Variants in ZZEF1 observed in about 807,000 individuals in gnomAD.
ZZEF1 encodes zinc finger ZZ-type and EF-hand domain containing 1, also known as zinc finger ZZ-type and EF-hand domain-containing protein 1.
A neutral mutation model predicts 342.8 loss-of-function variants in ZZEF1; 157 were observed. The ratio of observed to expected loss-of-function variants is 0.46; its 90% confidence interval spans 0.40 to 0.52. ZZEF1 has a LOEUF of 0.52. Among genes scored for constraint, ZZEF1 ranks in the 20% least tolerant of loss-of-function variants. The pLI, the probability that ZZEF1 is intolerant of heterozygous loss-of-function variation, is 0.00. For synonymous variants in ZZEF1, 1,505 were observed against 1,429.1 expected, an observed-to-expected ratio of 1.05 and a Z score of -1.20; for missense variants, 3,480 against 3,725.6, an observed-to-expected ratio of 0.93 and a Z score of 1.72.
At chr17:4,105,896 A>C (rs2058204508) in intron 6 of ZZEF1, 87 bp from the exon 7 acceptor site, 2 of 1,037,532 alleles carry the variant, frequency 1.9e-6, no homozygotes, top group Non-Finnish European at 2.9e-6. Flanking sequence ...TGTTTTGACT[A>C]ATCCCTTATA....
chr17:4,016,307 C>T lies in ZZEF1; in HGVS notation c.8145+16G>A. ...GGCTCAGTCGCTCTTATGGGGCCTG[C>T]CGGCCCCAGGCTTACCTCGAAGTTG... On this transcript the variant is annotated intron_variant, in intron 49 of 54. Transcript: ENST00000381638. The surrounding 1 kb of genome is among the most constrained non-coding windows in gnomAD (Gnocchi z 4.4). 1 of 1,606,072 alleles carries T rather than the reference C, an allele frequency of 6.2e-7. No homozygotes were observed. Among genetic ancestry groups the T allele is most frequent in the South Asian group, 1.1e-5 (1 of 89,844 alleles).
rs2056109477 is a variant in ZZEF1, at chr17:4,016,647, G to C, written c.8002-181C>G. The C allele has an allele frequency of 1.6e-6, 1 of 628,118 alleles. No individual in the cohort carries two copies. The highest frequency in any genetic ancestry group is 2.7e-6 in the Non-Finnish European group (1 of 368,076). 38.9% of individuals were successfully genotyped at this position (628,118 alleles called of 1,614,324 possible). A position where few individuals can be genotyped will look rare whatever the true frequency, so the allele number is the denominator to read the frequency against. ...CCACCTCTCACTTGACCAGGCTCTT[G>C]GTGTCAATCAGGACACTGCAGTCCT... is the stretch of plus-strand genomic sequence containing the variant. On this transcript the variant is annotated intron_variant, in intron 48 of 54. Coordinates refer to ENST00000381638, the MANE Select transcript of ZZEF1 (RefSeq NM_015113.4). The surrounding 1 kb of genome is among the most constrained non-coding windows in gnomAD (Gnocchi z 4.4).
intron 32 of ZZEF1, chr17:4,056,670 AT>A (rs2057167252): frequency 1.5e-5 from 1 of 68,708 alleles, no homozygotes; most frequent in African/African-American, 1.2e-4. Flanking sequence ...AAATAAAGTT[AT>A]TATTATTATT....
chr17:4,036,863 G>T (rs572181550), intron 39 of ZZEF1, among the ~76,000 whole-genome samples: 1 of 120,442 alleles, frequency 8.3e-6, no homozygotes, highest in Non-Finnish European at 1.8e-5. Flanking sequence ...CCGCCCGCCC[G>T]CACTGGGAAG....
At chr17:4,063,437 C>T (rs905097162) in intron 29 of ZZEF1, among the ~76,000 whole-genome samples, 4 of 152,180 alleles carry the variant, frequency 2.6e-5, no homozygotes, top group Admixed American at 2.6e-4. Context: ...AAATTTCTCC[C>T]TGGGTTAAAA....
rs550603696 is a variant in ZZEF1, at chr17:4,094,356, G to A, written c.1913+1475C>T. Among the ~76,000 whole-genome samples, 9 of 151,802 alleles carry A rather than the reference G, an allele frequency of 5.9e-5. No individual in the cohort carries two copies. In the East Asian group the frequency reaches 9.7e-4, roughly 16 times the overall value. On this transcript the variant is annotated intron_variant, in intron 11 of 54. Coordinates refer to ENST00000381638, the MANE Select transcript of ZZEF1 (RefSeq NM_015113.4). ...TTAGAGATGGGGGTCTCACTATGTTGCTCAGGCTGGTCTCAATCCCCTGGG... is the reference window on the plus strand; with the variant it reads ...TTAGAGATGGGGGTCTCACTATGTTACTCAGGCTGGTCTCAATCCCCTGGG...
At chr17:4,104,178 G>A (rs757668383) in intron 8 of ZZEF1, among the ~76,000 whole-genome samples, 50 of 152,152 alleles carry the variant, frequency 3.3e-4, no homozygotes, top group Non-Finnish European at 1.5e-4. Flanking sequence ...AAATCCTTCA[G>A]AGCAGCTATC....
chr17:4,074,304 A>G lies in ZZEF1; in HGVS notation c.3531T>C (p.Ser1177=), dbSNP rs140338648. The G allele has an allele frequency of 2.0e-5, 33 of 1,614,078 alleles. No homozygotes were observed. The African/African-American group carries it at 4.3e-4, about 21-fold the overall frequency. Residue 1177 remains serine (S), a synonymous_variant, in exon 24 of 55, where the codon TCT becomes TCC. Coordinates refer to ENST00000381638, the MANE Select transcript of ZZEF1 (RefSeq NM_015113.4). ...AGCCCCATTCGTTGTGACTGCTGTC[A>G]GAGTGAAAGAGGAACTGCAACCGAG... ...AGPRLQFLFH[S]DSSHNEWGYK...
At chr17:4,026,264 G>A (rs1257913061) in intron 42 of ZZEF1, among the ~76,000 whole-genome samples, 8 of 152,026 alleles carry the variant, frequency 5.3e-5, no homozygotes, top group African/African-American at 1.4e-4. Context: ...GGGGGTGGGG[G>A]CAGAAAAAAT....
rs553042876 is a variant in ZZEF1 at position 4,082,357 on chromosome 17, A to G, written c.2714+80T>C. 2.8e-6 allele frequency: 4 copies of G among 1,429,762 alleles called. No homozygotes were observed. In the African/African-American group the frequency reaches 4.2e-5, roughly 15 times the overall value. The allele number at this position is 1,429,762 out of a possible 1,614,324, so 88.6% of individuals were successfully genotyped here. On this transcript the variant is annotated intron_variant, in intron 17 of 54. Transcript: ENST00000381638. ...GCAGGAAGTACTACTTCGAAGGCAC[A>G]TGAAAGGAAGGGCAAGCTCAAGAAA...
intron 1 of ZZEF1, among the ~76,000 whole-genome samples, chr17:4,132,738 G>GGGT (rs1173378483): frequency 1.2e-5 from 1 of 86,908 alleles, no homozygotes; most frequent in South Asian, 4.8e-4. Context: ...AGGCCGAGGC[G>GGGT]GGTGGATCAC....
intron 39 of ZZEF1, among the ~76,000 whole-genome samples, chr17:4,041,052 C>T (rs1458150259): frequency 1.3e-5 from 2 of 152,134 alleles, no homozygotes; most frequent in Non-Finnish European, 2.9e-5. Context: ...TGTGCCTGCT[C>T]AGCCTCCAAA....
Position 4,006,725 on chromosome 17 carries a change from C to T in ZZEF1, c.*165G>A, listed in dbSNP as rs1004167351. The T allele has an allele frequency of 9.3e-5, 67 of 716,584 alleles. No homozygotes were observed. The highest frequency in any genetic ancestry group is 6.2e-4 in the South Asian group (40 of 64,580). The allele number at this position is 716,584 out of a possible 1,614,324, so 44.4% of individuals were successfully genotyped here. On this transcript the variant is annotated 3_prime_UTR_variant, in exon 55 of 55. Coordinates refer to ENST00000381638, the MANE Select transcript of ZZEF1 (RefSeq NM_015113.4). ...ACAGCCTGTGCTTGTGTCCAGCCTA[C>T]GCACGGGAGCTCTTGGAGACGTGGC... is the stretch of plus-strand genomic sequence containing the variant.
chr17:4,082,645 A>C (rs1190604124), intron 16 of ZZEF1, 141 bp from the exon 17 acceptor site: 2 of 724,706 alleles, frequency 2.8e-6, no homozygotes, highest in East Asian at 5.4e-5. Context: ...ACAGCACCCC[A>C]CTAAAACCCG....
At chr17:4,059,422 T>A in intron 30 of ZZEF1, 132 bp from the exon 31 acceptor site, 1 of 1,108,960 alleles carries the variant, frequency 9.0e-7, no homozygotes, top group Non-Finnish European at 1.3e-6. Context: ...CTTAAGTAAA[T>A]ACAAATATAA....
intron 43 of ZZEF1, among the ~76,000 whole-genome samples, chr17:4,024,191 T>G (rs2056346001): frequency 7.9e-6 from 1 of 126,108 alleles, no homozygotes; most frequent in South Asian, 2.6e-4. Flanking sequence ...CCCAGGTTTT[T>G]TTTTTTTTTT....
intron 30 of ZZEF1, 66 bp from the exon 31 acceptor site, chr17:4,059,356 G>T: frequency 6.4e-7 from 1 of 1,552,416 alleles, no homozygotes. Context: ...TAATAATAAT[G>T]ATTTCTTACA....
chr17:4,086,401 C>G, intron 15 of ZZEF1, 85 bp downstream of exon 15: 1 of 1,429,188 alleles, frequency 7.0e-7, no homozygotes, highest in Non-Finnish European at 9.6e-7. Context: ...CTCGCATCAT[C>G]GTAGGACAGC....
At position 4,101,203 on chromosome 17, in the gene ZZEF1, T is replaced by C. The variant is rs1470947954; in HGVS notation, c.1672+1114A>G. 4.6e-5 allele frequency among the ~76,000 whole-genome samples: 7 copies of C among 152,294 alleles called. No homozygotes were observed. The East Asian group carries it at 1.4e-3, about 29-fold the overall frequency. ...AGAGGAGGTGCAGCTGGGAAAAGCA[T>C]GTTCTCCTAGGGTCTGGACTCCATG... is the stretch of plus-strand genomic sequence containing the variant. On this transcript the variant is annotated intron_variant, in intron 9 of 54. Transcript: ENST00000381638.
Sources: allele counts gnomAD v4.1 joint callset (sites outside exome capture counted in the v4.1 genomes callset), GRCh38; gene constraint gnomAD v4.1.1; non-coding constraint Gnocchi (gnomAD v3.1); transcripts MANE v1.5; gene names NCBI Gene and HGNC (gene_info 2026-07-23, HGNC 2026-07-21).